Variants in CNTNAP2 observed in about 807,000 individuals in gnomAD.
CNTNAP2 encodes the protein contactin associated protein 2.
Under a neutral mutation model 155.2 loss-of-function variants are expected in CNTNAP2, and 98 were observed. The observed-to-expected ratio is 0.63, with a 90% CI of 0.54 to 0.75. The LOEUF (loss-of-function observed/expected upper bound fraction) is 0.75. Ranked by LOEUF, CNTNAP2 falls within the 30% of genes least tolerant of loss-of-function variation. The probability of loss-of-function intolerance (pLI) is 0.00; values close to 1 mark genes in which losing one functional copy is unlikely to be tolerated. For synonymous variants in CNTNAP2, 651 were observed against 631.2 expected, an observed-to-expected ratio of 1.03 and a Z score of -0.47; for missense variants, 1,727 against 1,688.1, an observed-to-expected ratio of 1.02 and a Z score of -0.40.
At chr7:146,874,279 T>A (rs1362140878) in intron 3 of CNTNAP2, among the ~76,000 whole-genome samples, 3 of 152,124 alleles carry the variant, frequency 2.0e-5, no homozygotes, top group Non-Finnish European at 4.4e-5. Context: ...AAAATGAGGA[T>A]CTATTAGAAC....
chr7:147,402,731 G>A (rs1475068247), intron 10 of CNTNAP2, among the ~76,000 whole-genome samples: 1 of 152,042 alleles, frequency 6.6e-6, no homozygotes, highest in East Asian at 1.9e-4. Context: ...TAGGCATTAG[G>A]GACAGCTTCC....
intron 8 of CNTNAP2, among the ~76,000 whole-genome samples, chr7:147,296,450 G>T (rs1289381066): frequency 1.3e-5 from 2 of 152,156 alleles, no homozygotes; most frequent in Non-Finnish European, 2.9e-5. Flanking sequence ...TACATGCATA[G>T]AGTAATTTTA....
chr7:146,332,135 CTATTT>C (rs1333922326), intron 1 of CNTNAP2, among the ~76,000 whole-genome samples: 1 of 151,564 alleles, frequency 6.6e-6, no homozygotes, highest in Non-Finnish European at 1.5e-5. Flanking sequence ...ATACATGTAT[CTATTT>C]TATTTATTAA....
intron 1 of CNTNAP2, among the ~76,000 whole-genome samples, chr7:146,324,990 A>G (rs1801072232): frequency 6.6e-6 from 1 of 152,176 alleles, no homozygotes; most frequent in Non-Finnish European, 1.5e-5. Flanking sequence ...GCTGGATTGC[A>G]GTGGCACAGC....
chr7:146,325,523 T>G (rs1801082868), intron 1 of CNTNAP2, among the ~76,000 whole-genome samples: 1 of 152,094 alleles, frequency 6.6e-6, no homozygotes, highest in South Asian at 2.1e-4. Flanking sequence ...TATAGCCCCT[T>G]GTATAATTTC....
At chr7:147,096,866 C>T (rs1211977507) in intron 4 of CNTNAP2, among the ~76,000 whole-genome samples, 1 of 152,170 alleles carries the variant, frequency 6.6e-6, no homozygotes, top group Non-Finnish European at 1.5e-5. Context: ...CACGAGCAGA[C>T]CACAGAGTAC....
intron 13 of CNTNAP2, among the ~76,000 whole-genome samples, chr7:147,651,630 T>C (rs1223651946): frequency 1.3e-5 from 2 of 152,222 alleles, no homozygotes; most frequent in Non-Finnish European, 2.9e-5. Context: ...TATCTTTTCA[T>C]TTCTAATGAA....
At chr7:147,567,924 A>G (rs12536839) in intron 12 of CNTNAP2, among the ~76,000 whole-genome samples, 24,083 of 151,996 alleles carry the variant, frequency 0.16, 2,100 homozygotes, top group East Asian at 0.36. Flanking sequence ...CGTCTCTACT[A>G]AAAATACAAA....
intron 8 of CNTNAP2, among the ~76,000 whole-genome samples, chr7:147,270,949 C>T (rs944619574): frequency 3.9e-5 from 6 of 152,060 alleles, no homozygotes; most frequent in African/African-American, 1.4e-4. Flanking sequence ...CTCTTCTCTT[C>T]CCCCTAGGAA....
chr7:146,134,322 G>A (rs1323170111), intron 1 of CNTNAP2, among the ~76,000 whole-genome samples: 4 of 143,440 alleles, frequency 2.8e-5, no homozygotes, highest in Non-Finnish European at 4.6e-5. Context: ...TGAGACAATG[G>A]GGTTTTCTAG....
chr7:147,736,575 C>T (rs1796848907), intron 13 of CNTNAP2, among the ~76,000 whole-genome samples: 1 of 152,162 alleles, frequency 6.6e-6, no homozygotes, highest in African/African-American at 2.4e-5. Context: ...ACCTGCTTTG[C>T]TAGATTGGGG....
chr7:148,048,940 G>A (rs1320215611), intron 15 of CNTNAP2, among the ~76,000 whole-genome samples: 3 of 152,038 alleles, frequency 2.0e-5, no homozygotes, highest in Admixed American at 2.0e-4. Flanking sequence ...GGCCGGGCGT[G>A]GTGGCTCGTG....
At chr7:146,131,582 A>G (rs1485451484) in intron 1 of CNTNAP2, among the ~76,000 whole-genome samples, 2 of 152,222 alleles carry the variant, frequency 1.3e-5, no homozygotes, top group Non-Finnish European at 2.9e-5. Flanking sequence ...TCAGAACTTC[A>G]ATAATATGCA....
chr7:148,355,053 A>G (rs1798487889), intron 21 of CNTNAP2, among the ~76,000 whole-genome samples: 1 of 151,260 alleles, frequency 6.6e-6, no homozygotes, highest in South Asian at 2.1e-4. Context: ...TACTCACTGG[A>G]AGGCAGAAAT....
At chr7:146,509,261 C>G (rs1457086909) in intron 1 of CNTNAP2, among the ~76,000 whole-genome samples, 1 of 152,216 alleles carries the variant, frequency 6.6e-6, no homozygotes, top group Non-Finnish European at 1.5e-5. Flanking sequence ...CTCCATCAGC[C>G]ATTCAATTAT....
At chr7:148,026,853 T>G (rs557213970) in intron 15 of CNTNAP2, among the ~76,000 whole-genome samples, 22 of 152,256 alleles carry the variant, frequency 1.4e-4, no homozygotes, top group Non-Finnish European at 2.6e-4. Flanking sequence ...CCTCATGTTG[T>G]CAAAACCAAA....
At chr7:147,066,886 G>C (rs529445200) in intron 4 of CNTNAP2, among the ~76,000 whole-genome samples, 1 of 152,206 alleles carries the variant, frequency 6.6e-6, no homozygotes, top group Admixed American at 6.5e-5. Flanking sequence ...CTAAGATCAG[G>C]GTGCTAGCAT....
At chr7:148,050,370 A>T (rs188898627) in intron 15 of CNTNAP2, among the ~76,000 whole-genome samples, 1 of 152,340 alleles carries the variant, frequency 6.6e-6, no homozygotes, top group Non-Finnish European at 1.5e-5. Context: ...TTTGTGTCTT[A>T]GTTTTTACAA....
rs1797736702 is a variant in CNTNAP2 at position 146,132,814 on chromosome 7, G to T, written c.97+15841G>T. ...CATTTTCTTAATCCAGTCTATCGTT[G>T]TTGGACATTTGGGTTGGTTCCAAGT... On this transcript the variant is annotated intron_variant, in intron 1 of 23. Transcript: ENST00000361727. Among the ~76,000 whole-genome samples, 4 of 149,484 alleles carry T rather than the reference G, an allele frequency of 2.7e-5. No homozygotes were observed. The South Asian group carries it at 8.5e-4, about 32-fold the overall frequency.
Sources: gnomAD v4.1 joint callset for allele counts (sites outside exome capture counted in the v4.1 genomes callset) on GRCh38, gnomAD v4.1.1 for gene constraint, MANE v1.5 for transcripts, NCBI Gene and HGNC (gene_info 2026-07-23, HGNC 2026-07-21) for gene names.